Variants in HYDIN observed in about 807,000 individuals in gnomAD.
The protein encoded by HYDIN is HYDIN axonemal central pair apparatus protein.
In HYDIN, 132 loss-of-function variants were observed where a neutral mutation model predicts 403.9. The ratio of observed to expected loss-of-function variants is 0.33; its 90% CI spans 0.28 to 0.38. The LOEUF is 0.38. Among genes scored for constraint, HYDIN ranks in the 10% least tolerant of loss-of-function variants. The probability of loss-of-function intolerance (pLI) is 1.00; values close to 1 mark genes in which losing one functional copy is unlikely to be tolerated. For missense variants in HYDIN, 2,827 were observed against 5,009.5 expected (o/e 0.56, Z 13.15); for synonymous variants, 1,202 against 1,891.7 (o/e 0.64, Z 9.46).
At chr16:70,946,855 A>G (rs2077879563) in intron 41 of HYDIN, among the ~76,000 whole-genome samples, 1 of 152,206 alleles carries the variant, frequency 6.6e-6, no homozygotes, top group African/African-American at 2.4e-5. Flanking sequence ...ATATCATTCA[A>G]AAGATCAGGA....
Position 70,829,628 on chromosome 16 carries a change from C to T in HYDIN, c.14102G>A (p.Arg4701His), listed in dbSNP as rs371498063. 5.0e-6 allele frequency: 8 copies of T among 1,612,812 alleles called. No homozygotes were observed. Among genetic ancestry groups the T allele is most frequent in the East Asian group, 2.2e-5 (1 of 44,876 alleles). Reference sequence around the variant, plus strand: ...GGGACCTCAGTCTACCTGGTGCTTGCGGTTCTCCAAGTTCATGGTGCGGGG... The same window carrying T: ...GGGACCTCAGTCTACCTGGTGCTTGTGGTTCTCCAAGTTCATGGTGCGGGG... ...YRPRTMNLEN[R>H]KHQGTLFFPL... The change falls in exon 81 of 86, where the codon CGC becomes CAC. Residue 4701 changes from arginine (R) to histidine (H), a missense_variant. Arg to His is a conservative substitution (Grantham distance 29). Transcript: ENST00000393567.
At position 70,961,210 on chromosome 16, in the gene HYDIN, G is replaced by C. The variant is rs1489617893; in HGVS notation, c.5968+749C>G. Among the ~76,000 whole-genome samples the C allele has an allele frequency of 4.6e-5, 7 of 152,312 alleles. No individual in the cohort carries two copies. In the East Asian group the frequency reaches 1.2e-3, roughly 25 times the overall value. ...TGTATGGGGTGGGGAGGGCTGCTCG[G>C]AGAGACCAGGAACCACTTGGGGGCC... On this transcript the variant is annotated intron_variant, in intron 38 of 85. Coordinates refer to ENST00000393567, the MANE Select transcript of HYDIN (RefSeq NM_001270974.2).
At position 70,805,473 on chromosome 16, in the gene HYDIN, C is replaced by T. The variant is rs1234723735; in HGVS notation, c.*2107G>A. On this transcript the variant is annotated 3_prime_UTR_variant, in exon 86 of 86. Transcript: ENST00000393567. ...TCTGATTGGTCTCACCAACGAGCAT[C>T]ACCAAGAACTGGTTAGAAATGCAGA... Among the ~76,000 whole-genome samples the T allele has an allele frequency of 1.3e-5, 2 of 152,234 alleles. No individual in the cohort carries two copies. Among genetic ancestry groups the T allele is most frequent in the African/African-American group, 2.4e-5 (1 of 41,466 alleles).
chr16:70,967,723 T>C (rs2078622816), intron 36 of HYDIN, among the ~76,000 whole-genome samples: 6 of 152,200 alleles, frequency 3.9e-5, no homozygotes, highest in African/African-American at 1.4e-4. Flanking sequence ...CCTGACCTTG[T>C]GATCCACCCG....
intron 45 of HYDIN, chr16:70,933,719 C>T (rs1432569134): frequency 6.5e-6 from 1 of 154,880 alleles, no homozygotes; most frequent in Non-Finnish European, 1.5e-5. Context: ...GAATTCAGCA[C>T]ACAGTAGCTA....
chr16:71,098,758 G>GAAAAA (rs2083365696), intron 10 of HYDIN, among the ~76,000 whole-genome samples: 1 of 118,690 alleles, frequency 8.4e-6, no homozygotes, highest in African/African-American at 3.1e-5. Flanking sequence ...AAAAAAAAAG[G>GAAAAA]AGATGTGTTG....
At chr16:71,185,977 ATCT>A (rs2087128867) in intron 2 of HYDIN, among the ~76,000 whole-genome samples, 1 of 152,222 alleles carries the variant, frequency 6.6e-6, no homozygotes, top group South Asian at 2.1e-4. Context: ...CTTGGTTAAG[ATCT>A]TTTTGATTGG....
intron 41 of HYDIN, among the ~76,000 whole-genome samples, chr16:70,946,734 G>A (rs528450195): frequency 3.2e-4 from 48 of 152,318 alleles, no homozygotes; most frequent in African/African-American, 1.0e-3. Flanking sequence ...GCAGGATTGT[G>A]ATAGAGAGAT....
At chr16:70,822,860 T>C (rs1206636055) in intron 83 of HYDIN, among the ~76,000 whole-genome samples, 1 of 149,486 alleles carries the variant, frequency 6.7e-6, no homozygotes, top group East Asian at 2.0e-4. Context: ...CCTAATGTTA[T>C]TGTACACTTA....
At chr16:70,908,587 T>C in intron 48 of HYDIN, 66 bp downstream of exon 48, 2 of 1,501,706 alleles carry the variant, frequency 1.3e-6, no homozygotes, top group Non-Finnish European at 1.8e-6. Context: ...TCCAGTGCTG[T>C]GACAGTCACA....
chr16:70,824,467 A>G (rs545605238), intron 83 of HYDIN, among the ~76,000 whole-genome samples: 165 of 150,352 alleles, frequency 1.1e-3, no homozygotes, highest in Non-Finnish European at 2.1e-3. Context: ...AGTTGTTTAA[A>G]ATTACCTATC....
At chr16:71,174,468 T>G (rs1396117552) in intron 5 of HYDIN, among the ~76,000 whole-genome samples, 1 of 152,216 alleles carries the variant, frequency 6.6e-6, no homozygotes, top group Non-Finnish European at 1.5e-5. Context: ...ATGCCTGCTA[T>G]TAACATGATA....
intron 47 of HYDIN, among the ~76,000 whole-genome samples, chr16:70,910,437 T>G (rs1478505354): frequency 6.6e-6 from 1 of 152,274 alleles, no homozygotes; most frequent in Non-Finnish European, 1.5e-5. Context: ...CTGAGTAGTA[T>G]TCCTTTGTGT....
At chr16:71,059,533 G>C (rs1005624204) in intron 18 of HYDIN, among the ~76,000 whole-genome samples, 1 of 151,828 alleles carries the variant, frequency 6.6e-6, no homozygotes, top group Non-Finnish European at 1.5e-5. Context: ...CAGCAACATG[G>C]ATGGAGCTGG....
At chr16:70,943,473 T>C (rs546333435) in intron 42 of HYDIN, among the ~76,000 whole-genome samples, 14 of 152,258 alleles carry the variant, frequency 9.2e-5, no homozygotes, top group East Asian at 3.9e-4. Context: ...CTTAATAACA[T>C]TGAAAATGGG....
intron 21 of HYDIN, among the ~76,000 whole-genome samples, chr16:71,021,220 CT>C (rs61127175): frequency 2.8e-3 from 392 of 141,916 alleles, no homozygotes; most frequent in Middle Eastern, 0.011. Context: ...TTTAATTTTT[CT>C]TTTTTTTTTT....
chr16:71,027,360 G>A, intron 20 of HYDIN: 4 of 1,403,766 alleles, frequency 2.8e-6, no homozygotes, highest in Non-Finnish European at 3.7e-6. Context: ...GGTCACTGTG[G>A]ACCCTGGGCA....
At chr16:70,841,526 G>GT (rs1455541667) in intron 75 of HYDIN, among the ~76,000 whole-genome samples, 1 of 151,898 alleles carries the variant, frequency 6.6e-6, no homozygotes, top group Non-Finnish European at 1.5e-5. Context: ...TGGCTTGAAT[G>GT]TTTGTCTCCT....
intron 1 of HYDIN, among the ~76,000 whole-genome samples, chr16:71,187,830 AG>A (rs932768825): frequency 1.3e-5 from 2 of 152,186 alleles, no homozygotes; most frequent in African/African-American, 4.8e-5. Context: ...AAAAGGAAAA[AG>A]GGGTCATTAT....
Sources: gnomAD v4.1 joint callset for allele counts (sites outside exome capture counted in the v4.1 genomes callset) on GRCh38, gnomAD v4.1.1 for gene constraint, MANE v1.5 for transcripts, NCBI Gene and HGNC (gene_info 2026-07-23, HGNC 2026-07-21) for gene names.